Variants in TBC1D22A observed in about 807,000 individuals in gnomAD.
TBC1D22A encodes the protein TBC1 domain family member 22A.
Under a neutral mutation model 60.2 loss-of-function variants are expected in TBC1D22A, and 38 were observed. The observed-to-expected ratio is 0.63, with a 90% confidence interval of 0.49 to 0.83. TBC1D22A has a LOEUF of 0.83. Ranked by LOEUF, TBC1D22A falls within the 40% of genes least tolerant of loss-of-function variation. The pLI, the probability that TBC1D22A is intolerant of heterozygous loss-of-function variation, is 0.00. For synonymous variants in TBC1D22A, 302 were observed against 281.7 expected (o/e 1.07, Z -0.72); for missense variants, 628 against 701.0 (o/e 0.90, Z 1.18).
chr22:46,913,396 T>C (rs771554958), intron 8 of TBC1D22A: 3 of 1,366,412 alleles, frequency 2.2e-6, no homozygotes, highest in Non-Finnish European at 2.9e-6. Context: ...AGATGAGCCT[T>C]ACCCGAGGAC....
chr22:47,098,734 G>C (rs1040134046), intron 11 of TBC1D22A, among the ~76,000 whole-genome samples: 2 of 152,250 alleles, frequency 1.3e-5, no homozygotes, highest in African/African-American at 4.8e-5. Flanking sequence ...GGGGTCTGGA[G>C]GTTCCTCCCT....
chr22:46,990,643 C>T lies in TBC1D22A; in HGVS notation c.1126-6991C>T, dbSNP rs761923620. Among the ~76,000 whole-genome samples the T allele has an allele frequency of 6.6e-5, 10 of 152,026 alleles. No homozygotes were observed. The highest frequency in any genetic ancestry group is 2.0e-4 in the Admixed American group (3 of 15,272). On this transcript the variant is annotated intron_variant, in intron 9 of 12. Transcript: ENST00000337137. This position sits in a 1 kb window ranked among gnomAD's most constrained non-coding sequence, Gnocchi z 4.6. ...CCCTGCCCTGAACACCCTCGTGCCC[C>T]GCCTGTTCATCCCCTTCCACCCAAC...
At chr22:46,985,926 T>G (rs2074705609) in intron 9 of TBC1D22A, among the ~76,000 whole-genome samples, 1 of 152,278 alleles carries the variant, frequency 6.6e-6, no homozygotes, top group Non-Finnish European at 1.5e-5. Context: ...GCCAACAGTT[T>G]CAACTTTGAT....
chr22:47,007,842 A>T (rs746799145), intron 10 of TBC1D22A, among the ~76,000 whole-genome samples: 1 of 152,150 alleles, frequency 6.6e-6, no homozygotes, highest in East Asian at 1.9e-4. Flanking sequence ...CCATCTCCAG[A>T]TACAGCCACA....
chr22:46,890,931 A>G (rs1429474054), intron 5 of TBC1D22A, among the ~76,000 whole-genome samples: 5 of 152,200 alleles, frequency 3.3e-5, no homozygotes, highest in African/African-American at 1.2e-4. Context: ...CGCTTGTTTC[A>G]TCTCGCAGCC....
chr22:46,898,646 G>A (rs927746895), intron 7 of TBC1D22A, among the ~76,000 whole-genome samples: 1 of 152,154 alleles, frequency 6.6e-6, no homozygotes, highest in Admixed American at 6.5e-5. Flanking sequence ...AATCAGATAT[G>A]CATTTGTGTC....
intron 10 of TBC1D22A, among the ~76,000 whole-genome samples, chr22:47,021,648 C>G (rs1366729183): frequency 2.0e-5 from 3 of 152,232 alleles, no homozygotes; most frequent in Non-Finnish European, 4.4e-5. Flanking sequence ...AGCAGGGACT[C>G]TAGCAGAACC....
At chr22:47,147,868 AG>A (rs2067344990) in intron 12 of TBC1D22A, among the ~76,000 whole-genome samples, 2 of 152,198 alleles carry the variant, frequency 1.3e-5, no homozygotes, top group African/African-American at 4.8e-5. Context: ...CAGAGGCCGG[AG>A]GCCCAGCCTG....
Position 47,024,511 on chromosome 22 carries a change from G to A in TBC1D22A, c.1202-12560G>A, listed in dbSNP as rs569347298. The stretch of plus-strand genomic sequence containing the variant: ...GGGTGGGAGAGGAGAAAGCAACTCC[G>A]AGAGAACCAAAGCTCTGCAGGGGTT... On this transcript the variant is annotated intron_variant, in intron 10 of 12. Transcript: ENST00000337137. 3.9e-5 allele frequency among the ~76,000 whole-genome samples: 6 copies of A among 152,282 alleles called. No individual in the cohort carries two copies. The East Asian group carries it at 7.7e-4, about 20-fold the overall frequency.
intron 8 of TBC1D22A, among the ~76,000 whole-genome samples, chr22:46,918,433 G>A (rs1032999331): frequency 2.8e-4 from 42 of 152,356 alleles, no homozygotes; most frequent in African/African-American, 8.9e-4. Flanking sequence ...GAGACAGGAG[G>A]CAAGGAAGAG....
chr22:46,957,612 C>T (rs755936044), intron 8 of TBC1D22A, among the ~76,000 whole-genome samples: 35 of 152,208 alleles, frequency 2.3e-4, no homozygotes, highest in Admixed American at 4.6e-4. Flanking sequence ...GGGCACAGAA[C>T]CAAACCGTAT....
In TBC1D22A at chr22:46,762,767, C is replaced by G. The variant is rs1035504211; in HGVS notation, c.-20C>G. 2.1e-6 allele frequency: 3 copies of G among 1,430,708 alleles called. No homozygotes were observed. The highest frequency in any genetic ancestry group is 6.1e-5 in the East Asian group (2 of 32,790). 88.6% of individuals were successfully genotyped at this position (1,430,708 alleles called of 1,614,324 possible). ...CACTCGGGGTGTCTGGGCCGCGGGT[C>G]TGAGGGATGAGGAGGGGCCATGGCC... is the stretch of plus-strand genomic sequence containing the variant. On this transcript the variant is annotated 5_prime_UTR_variant, in exon 1 of 13. Transcript: ENST00000337137.
chr22:46,941,443 G>A (rs1602579739), intron 8 of TBC1D22A, among the ~76,000 whole-genome samples: 1 of 131,862 alleles, frequency 7.6e-6, no homozygotes, highest in East Asian at 2.1e-4. Context: ...TATATACACG[G>A]AATATATATA....
At chr22:47,135,111 G>A (rs1055461239) in intron 12 of TBC1D22A, among the ~76,000 whole-genome samples, 2 of 152,228 alleles carry the variant, frequency 1.3e-5, no homozygotes, top group Admixed American at 6.5e-5. Flanking sequence ...CTCTGCTGCC[G>A]AGTGTCTTCC....
intron 11 of TBC1D22A, among the ~76,000 whole-genome samples, chr22:47,058,920 A>G (rs2063483542): frequency 6.6e-6 from 1 of 151,880 alleles, no homozygotes; most frequent in African/African-American, 2.4e-5. Flanking sequence ...GCCCTGGGGA[A>G]CCTCTCCCCA....
At chr22:47,173,121 G>A (rs1297406427) in intron 12 of TBC1D22A, among the ~76,000 whole-genome samples, 1 of 152,252 alleles carries the variant, frequency 6.6e-6, no homozygotes, top group Non-Finnish European at 1.5e-5. Flanking sequence ...TGAGGGGCAG[G>A]GGATTCAGTT....
intron 12 of TBC1D22A, among the ~76,000 whole-genome samples, chr22:47,124,097 C>T (rs753362884): frequency 3.3e-5 from 5 of 152,104 alleles, no homozygotes; most frequent in Non-Finnish European, 7.4e-5. Flanking sequence ...AAGAGGGGTC[C>T]TTGTGTGGGA....
At chr22:47,076,732 T>A (rs2064242199) in intron 11 of TBC1D22A, among the ~76,000 whole-genome samples, 1 of 152,012 alleles carries the variant, frequency 6.6e-6, no homozygotes, top group African/African-American at 2.4e-5. Context: ...TTTGACTGCA[T>A]GTAACAGGTG....
chr22:46,934,550 A>G (rs879774881), intron 8 of TBC1D22A, among the ~76,000 whole-genome samples: 10 of 152,174 alleles, frequency 6.6e-5, no homozygotes, highest in Non-Finnish European at 1.0e-4. Flanking sequence ...AATCGTCTAT[A>G]CTACTCTTGG....
Sources: allele counts gnomAD v4.1 joint callset (sites outside exome capture counted in the v4.1 genomes callset), GRCh38; gene constraint gnomAD v4.1.1; non-coding constraint Gnocchi (gnomAD v3.1); transcripts MANE v1.5; gene names NCBI Gene and HGNC (gene_info 2026-07-23, HGNC 2026-07-21).